Variants in HLA-DPB1 observed in about 807,000 individuals in gnomAD.
HLA-DPB1 encodes the protein major histocompatibility complex, class II, DP beta 1, also known as HLA class II histocompatibility antigen, DP beta 1 chain.
A neutral mutation model predicts 29.4 loss-of-function variants in HLA-DPB1; 30 were observed. The ratio of observed to expected loss-of-function variants is 1.02; its 90% CI spans 0.76 to 1.38. HLA-DPB1 has a LOEUF of 1.38. HLA-DPB1 is among the 40% of genes most tolerant of loss of function. The probability of loss-of-function intolerance (pLI) is 0.00; values close to 1 mark genes in which losing one functional copy is unlikely to be tolerated. For synonymous variants in HLA-DPB1, 114 were observed against 134.0 expected, an observed-to-expected ratio of 0.85 and a Z score of 1.03; for missense variants, 261 against 327.5, an observed-to-expected ratio of 0.80 and a Z score of 1.57.
intron 3 of HLA-DPB1, 122 bp from the exon 4 acceptor site, chr6:33,085,657 A>C: frequency 1.4e-6 from 1 of 735,682 alleles, no homozygotes; most frequent in Non-Finnish European, 2.4e-6. Flanking sequence ...CCTCTTAGCA[A>C]GCTTTTTCCG....
chr6:33,079,027 G>A (rs1257444464), intron 1 of HLA-DPB1, among the ~76,000 whole-genome samples: 1 of 152,162 alleles, frequency 6.6e-6, no homozygotes, highest in Non-Finnish European at 1.5e-5. Flanking sequence ...TCAAGACCTG[G>A]GATCTTGCCT....
intron 1 of HLA-DPB1, 62 bp downstream of exon 1, chr6:33,076,203 A>T: frequency 8.9e-7 from 1 of 1,127,530 alleles, no homozygotes; most frequent in Non-Finnish European, 1.3e-6. Flanking sequence ...AGGGGACGTT[A>T]TCTTTAAGGG....
At chr6:33,085,607 C>T (rs1037172439) in intron 3 of HLA-DPB1, among the ~76,000 whole-genome samples, 172 bp from the exon 4 acceptor site, 3 of 152,184 alleles carry the variant, frequency 2.0e-5, no homozygotes, top group Non-Finnish European at 4.4e-5. Context: ...GTTGAGGTCA[C>T]ACCCCTGTTC....
Position 33,086,104 on chromosome 6 carries a change from C to G in HLA-DPB1, c.758-115C>G, listed in dbSNP as rs553876462. The G allele has an allele frequency of 1.5e-5, 15 of 1,004,822 alleles. No individual in the cohort carries two copies. The Admixed American group carries it at 1.9e-4, about 13-fold the overall frequency. 62.2% of individuals were successfully genotyped at this position (1,004,822 alleles called of 1,614,324 possible). On this transcript the variant is annotated intron_variant, in intron 4 of 5. Coordinates refer to ENST00000418931, the MANE Select transcript of HLA-DPB1 (RefSeq NM_002121.6). ...CATGAGGTCCCAAGTACTCAGGCTC[C>G]TGCGGAGCGTCCATTGAGTGATGGG... is the stretch of plus-strand genomic sequence containing the variant.
intron 2 of HLA-DPB1, among the ~76,000 whole-genome samples, chr6:33,084,224 GA>G (rs1242436647): frequency 2.0e-5 from 3 of 152,072 alleles, no homozygotes; most frequent in African/African-American, 7.2e-5. Context: ...ATAGAACTTT[GA>G]AAAGGTAGGT....
chr6:33,084,443 T>A (rs9277435), intron 2 of HLA-DPB1, among the ~76,000 whole-genome samples: 57,540 of 151,690 alleles, frequency 0.38, 12,314 homozygotes, highest in East Asian at 0.64. Context: ...ATCACATTAT[T>A]CCTATTTTCA....
At chr6:33,083,316 G>A (rs181902235) in intron 2 of HLA-DPB1, among the ~76,000 whole-genome samples, 28 of 152,350 alleles carry the variant, frequency 1.8e-4, no homozygotes, top group Admixed American at 1.8e-3. Flanking sequence ...AAAGAACTGA[G>A]TGATTAGGGA....
intron 5 of HLA-DPB1, 117 bp from the exon 6 acceptor site, chr6:33,086,422 A>G (rs985320154): frequency 1.4e-6 from 1 of 727,618 alleles, no homozygotes; most frequent in Non-Finnish European, 2.6e-6. Context: ...TGAAGGAAGC[A>G]GAGATCAACT....
Position 33,085,840 on chromosome 6 carries a change from G to T in HLA-DPB1, c.708G>T (p.Gly236=). 1 of 1,614,032 alleles carries T rather than the reference G, an allele frequency of 6.2e-7. No homozygotes were observed. Among genetic ancestry groups the T allele is most frequent in the Non-Finnish European group, 8.5e-7 (1 of 1,179,966 alleles). Residue 236 remains glycine (G), a synonymous_variant, in exon 4 of 6, where the codon GGG becomes GGT. Transcript: ENST00000418931. ...TLTGAGGFVL[G]LIICGVGIFM... is the part of the protein sequence containing the mutation. ...CGGGAGCTGGGGGCTTCGTGCTGGGGCTCATCATCTGTGGAGTGGGCATCT... is the reference window on the plus strand; with the variant it reads ...CGGGAGCTGGGGGCTTCGTGCTGGGTCTCATCATCTGTGGAGTGGGCATCT...
At chr6:33,084,367 G>C (rs1409583041) in intron 2 of HLA-DPB1, among the ~76,000 whole-genome samples, 1 of 147,166 alleles carries the variant, frequency 6.8e-6, no homozygotes, top group Non-Finnish European at 1.5e-5. Flanking sequence ...TTTTATTCAA[G>C]ATCATGCATG....
In HLA-DPB1 at chr6:33,080,701, T is replaced by G. The variant is rs1424116907; in HGVS notation, c.130T>G (p.Cys44Gly). 3 of 1,613,120 alleles carry G rather than the reference T, an allele frequency of 1.9e-6. No homozygotes were observed. Among genetic ancestry groups the G allele is most frequent in the Non-Finnish European group, 2.5e-6 (3 of 1,179,756 alleles). ...TTACCTTTTCCAGGGACGGCAGGAA[T>G]GCTACGCGTTTAATGGGACACAGCG... ...ENYLFQGRQE[C>G]YAFNGTQRFL... Residue 44 changes from cysteine to glycine, a missense_variant, in exon 2 of 6, where the codon TGC becomes GGC. Cys to Gly is a radical substitution (Grantham distance 159). Coordinates refer to ENST00000418931, the MANE Select transcript of HLA-DPB1 (RefSeq NM_002121.6). The surrounding 1 kb of genome is among the most constrained non-coding windows in gnomAD (Gnocchi z 4.3).
chr6:33,083,193 A>T (rs9277394), intron 2 of HLA-DPB1, among the ~76,000 whole-genome samples: 57,867 of 152,108 alleles, frequency 0.38, 12,450 homozygotes, highest in East Asian at 0.64. Flanking sequence ...GATCAGTCTG[A>T]AAACAAGGCA....
At chr6:33,077,382 T>C (rs568828032) in intron 1 of HLA-DPB1, among the ~76,000 whole-genome samples, 3 of 152,214 alleles carry the variant, frequency 2.0e-5, no homozygotes, top group East Asian at 3.9e-4. Context: ...TAAACATATG[T>C]GTGCATGTGT....
At position 33,080,150 on chromosome 6, in the gene HLA-DPB1, A is replaced by C. The variant is rs1762757960; in HGVS notation, c.101-522A>C. Among the ~76,000 whole-genome samples the C allele has an allele frequency of 1.3e-5, 2 of 152,222 alleles. No individual in the cohort carries two copies. Among genetic ancestry groups the C allele is most frequent in the African/African-American group, 4.8e-5 (2 of 41,458 alleles). ...CAAAACAACAGGAGCAAGTTGAGGA[A>C]TTCTCAAGAAACTGGTCGAGAAGAG... On this transcript the variant is annotated intron_variant, in intron 1 of 5. Coordinates refer to ENST00000418931, the MANE Select transcript of HLA-DPB1 (RefSeq NM_002121.6). This position sits in a 1 kb window ranked among gnomAD's most constrained non-coding sequence, Gnocchi z 4.3.
Position 33,085,231 on chromosome 6 carries a change from A to C in HLA-DPB1, c.646A>C (p.Lys216Gln). 6.2e-7 allele frequency: 1 copy of C among 1,602,438 alleles called. No homozygotes were observed. Among genetic ancestry groups the C allele is most frequent in the Non-Finnish European group, 8.5e-7 (1 of 1,172,486 alleles). ...GGATAGTCCTGTCACCGTGGAGTGG[A>C]GTGAGTCTCTGATGACCCTCTAGAC... Reference protein sequence around the residue: ...SLDSPVTVEWKAQSDSARSKT... With the variant: ...SLDSPVTVEWQAQSDSARSKT... The change falls in exon 3 of 6, where the codon AAG becomes CAG. Residue 216 changes from lysine to glutamine, a missense_variant and splice_region_variant. Physicochemically the swap from Lys to Gln is moderately conservative, Grantham distance 53. Transcript: ENST00000418931.
intron 1 of HLA-DPB1, among the ~76,000 whole-genome samples, chr6:33,078,437 G>A (rs1305422032): frequency 6.6e-6 from 1 of 152,176 alleles, no homozygotes; most frequent in Non-Finnish European, 1.5e-5. Flanking sequence ...AAAGGGCTGA[G>A]GAGCCAGGCT....
chr6:33,089,467 T>G lies in HLA-DPB1; in HGVS notation c.*2933T>G, dbSNP rs3091284. Among the ~76,000 whole-genome samples, 48,745 of 152,008 alleles carry G rather than the reference T, an allele frequency of 0.32. 8,842 individuals carry two copies. Among genetic ancestry groups the G allele is most frequent in the East Asian group, 0.55 (2,846 of 5,166 alleles). ...CGTACTCAGGAAGTCAGGCTGACAGTCTTTCTCCTGCACATCTGCTCCCAG... is the reference window on the plus strand; with the variant it reads ...CGTACTCAGGAAGTCAGGCTGACAGGCTTTCTCCTGCACATCTGCTCCCAG... On this transcript the variant is annotated 3_prime_UTR_variant, in exon 6 of 6. Coordinates refer to ENST00000418931, the MANE Select transcript of HLA-DPB1 (RefSeq NM_002121.6).
At chr6:33,079,648 C>A (rs536716323) in intron 1 of HLA-DPB1, 72 of 467,284 alleles carry the variant, frequency 1.5e-4, no homozygotes, top group Middle Eastern at 3.9e-4. Flanking sequence ...ACAACAACAA[C>A]AAAAAAAACA....
At chr6:33,079,751 G>A (rs577895081) in intron 1 of HLA-DPB1, 2 of 498,090 alleles carry the variant, frequency 4.0e-6, no homozygotes, top group Non-Finnish European at 4.0e-6. Context: ...TGCTGAGATC[G>A]CTCACAAAAT....
Sources: allele counts gnomAD v4.1 joint callset (sites outside exome capture counted in the v4.1 genomes callset), GRCh38; gene constraint gnomAD v4.1.1; non-coding constraint Gnocchi (gnomAD v3.1); transcripts MANE v1.5; gene names NCBI Gene and HGNC (gene_info 2026-07-23, HGNC 2026-07-21).